The following EDA variants were observed in gnomAD, a reference collection of about 807,000 sequenced individuals.
EDA encodes the protein ectodysplasin A.
EDA carries 2 observed loss-of-function variants against 23.6 expected under a neutral mutation model. The observed-to-expected ratio is 0.08, with a 90% confidence interval of 0.03 to 0.27. The LOEUF is 0.27. Ranked by LOEUF, EDA falls within the 10% of genes least tolerant of loss-of-function variation. The probability of loss-of-function intolerance (pLI) is 1.00; values close to 1 mark genes in which losing one functional copy is unlikely to be tolerated. For synonymous variants in EDA, 131 were observed against 132.0 expected, an observed-to-expected ratio of 0.99 and a Z score of 0.05; for missense variants, 229 against 324.2, an observed-to-expected ratio of 0.71 and a Z score of 2.26.
chrX:69,756,291 C>G (rs1392657044), intron 1 of EDA, among the ~76,000 whole-genome samples: 2 of 112,341 alleles, frequency 1.8e-5, no homozygotes, highest in South Asian at 7.4e-4. Flanking sequence ...GATGTTGCCT[C>G]CTCCTTCCTG....
At chrX:69,988,327 G>A (rs2019534823) in intron 2 of EDA, among the ~76,000 whole-genome samples, 1 of 111,600 alleles carries the variant, frequency 9.0e-6, no homozygotes, top group Non-Finnish European at 1.9e-5. Context: ...ATAAGACCTA[G>A]TATTTAATCA....
At position 69,689,951 on chromosome X, in the gene EDA, T is replaced by C. The variant is rs762215080; in HGVS notation, c.396+73247T>C. 4.5e-5 allele frequency among the ~76,000 whole-genome samples: 5 copies of C among 112,154 alleles called. No individual in the cohort carries two copies. The East Asian group carries it at 1.4e-3, about 31-fold the overall frequency. On this transcript the variant is annotated intron_variant, in intron 1 of 7. Transcript: ENST00000374552. ...TTATAAATGGGATTGTTTCTTAAAT[T>C]TTATTTTTCAATAGTTCATTGCAAA...
intron 1 of EDA, among the ~76,000 whole-genome samples, chrX:69,807,812 G>A (rs1404623884): frequency 9.0e-6 from 1 of 111,125 alleles, no homozygotes; most frequent in Admixed American, 9.6e-5. Flanking sequence ...AAAGAGAGAA[G>A]CAGGGACAGA....
intron 2 of EDA, chrX:69,957,487 A>AC (rs1253875493): frequency 5.6e-6 from 1 of 180,071 alleles, no homozygotes; most frequent in African/African-American, 3.1e-5. Flanking sequence ...TCAAAAAAAA[A>AC]AAAACAAAAA....
chrX:69,937,675 G>A, intron 1 of EDA: 1 of 1,108,666 alleles, frequency 9.0e-7, no homozygotes, highest in African/African-American at 1.8e-5. Context: ...GTTGTTAGTA[G>A]CTCTATAGAG....
chrX:70,022,446 C>T (rs2020048419), intron 2 of EDA, among the ~76,000 whole-genome samples: 1 of 109,735 alleles, frequency 9.1e-6, no homozygotes, highest in African/African-American at 3.3e-5. Context: ...ACGCCATTCT[C>T]CTGGCTCAGC....
intron 1 of EDA, among the ~76,000 whole-genome samples, chrX:69,760,285 G>C (rs2014271110): frequency 9.3e-6 from 1 of 108,084 alleles, no homozygotes; most frequent in African/African-American, 3.4e-5. Flanking sequence ...ATTTTTGGTT[G>C]GTAAAGTATT....
intron 1 of EDA, among the ~76,000 whole-genome samples, chrX:69,940,639 T>C (rs2147687875): frequency 9.0e-6 from 1 of 111,319 alleles, no homozygotes; most frequent in South Asian, 3.8e-4. Flanking sequence ...GCATTTCTGT[T>C]TCTTTTTTAA....
chrX:70,017,969 A>G (rs908084936), intron 2 of EDA, among the ~76,000 whole-genome samples: 5 of 112,034 alleles, frequency 4.5e-5, no homozygotes, highest in Non-Finnish European at 9.4e-5. Flanking sequence ...TCTCTGCCCA[A>G]AAGCTCCTTG....
At chrX:69,651,756 T>C (rs1291197416) in intron 1 of EDA, among the ~76,000 whole-genome samples, 2 of 110,369 alleles carry the variant, frequency 1.8e-5, no homozygotes, top group Admixed American at 1.9e-4. Flanking sequence ...AGGAGAGAGA[T>C]GCAATAAACA....
chrX:69,667,543 T>C (rs992155001), intron 1 of EDA, among the ~76,000 whole-genome samples: 1 of 111,940 alleles, frequency 8.9e-6, no homozygotes, highest in African/African-American at 3.2e-5. Flanking sequence ...AACAACCAAC[T>C]CTTAGTTTTA....
intron 2 of EDA, among the ~76,000 whole-genome samples, chrX:70,014,860 T>G (rs1179601894): frequency 9.0e-6 from 1 of 110,585 alleles, no homozygotes; most frequent in Non-Finnish European, 1.9e-5. Context: ...CAGACAAAAA[T>G]AAAGAAAAAA....
At chrX:69,976,092 T>C (rs1184607128) in intron 2 of EDA, among the ~76,000 whole-genome samples, 2 of 111,591 alleles carry the variant, frequency 1.8e-5, no homozygotes, top group Non-Finnish European at 3.8e-5. Context: ...TCTGAAACCT[T>C]AATTGAAAGT....
chrX:69,974,532 A>T (rs2019291046), intron 2 of EDA, among the ~76,000 whole-genome samples: 1 of 107,992 alleles, frequency 9.3e-6, no homozygotes, highest in African/African-American at 3.3e-5. Context: ...GTTATCAAAA[A>T]CAATTGTAAC....
At chrX:69,890,160 A>G (rs926244925) in intron 1 of EDA, among the ~76,000 whole-genome samples, 1 of 111,324 alleles carries the variant, frequency 9.0e-6, no homozygotes, top group Non-Finnish European at 1.9e-5. Flanking sequence ...CTAGGAATTC[A>G]GCTAACAAGG....
intron 1 of EDA, among the ~76,000 whole-genome samples, chrX:69,650,368 G>A (rs1933065073): frequency 1.8e-5 from 2 of 111,807 alleles, no homozygotes; most frequent in African/African-American, 3.3e-5. Flanking sequence ...AAATATATAA[G>A]TAAATATGTA....
At chrX:69,854,155 C>T (rs2017193797) in intron 1 of EDA, among the ~76,000 whole-genome samples, 1 of 110,719 alleles carries the variant, frequency 9.0e-6, no homozygotes, top group Non-Finnish European at 1.9e-5. Context: ...TTCTCCCACC[C>T]TCCACCCTCC....
At chrX:69,698,964 C>CAGA (rs1020232215) in intron 1 of EDA, among the ~76,000 whole-genome samples, 1 of 111,501 alleles carries the variant, frequency 9.0e-6, no homozygotes, top group Admixed American at 9.5e-5. Context: ...GGAGAAAGTA[C>CAGA]AGACAAAGAC....
At chrX:69,648,923 G>A (rs893041203) in intron 1 of EDA, among the ~76,000 whole-genome samples, 3 of 111,679 alleles carry the variant, frequency 2.7e-5, no homozygotes, top group African/African-American at 9.8e-5. Context: ...TCCATGGGTT[G>A]CATAGATCTG....
Sources: allele counts gnomAD v4.1 joint callset (sites outside exome capture counted in the v4.1 genomes callset), GRCh38; gene constraint gnomAD v4.1.1; transcripts MANE v1.5; gene names NCBI Gene and HGNC (gene_info 2026-07-23, HGNC 2026-07-21).